Variants in PTPRM observed in about 807,000 individuals in gnomAD.
PTPRM encodes receptor-type tyrosine-protein phosphatase mu.
In PTPRM, 47 loss-of-function variants were observed where a neutral mutation model predicts 186.7. That is an observed-to-expected ratio of 0.25 (90% CI 0.20 to 0.32). The LOEUF (loss-of-function observed/expected upper bound fraction) is 0.32, where lower values mean the gene tolerates loss of function less well. PTPRM is among the 10% of genes least tolerant of loss of function. The pLI, the probability that PTPRM is intolerant of heterozygous loss-of-function variation, is 1.00. For missense variants in PTPRM, 1,494 were observed against 1,865.0 expected (o/e 0.80, Z 3.66); for synonymous variants, 668 against 674.9 (o/e 0.99, Z 0.16).
chr18:7,703,158 T>A (rs182576438), intron 1 of PTPRM, among the ~76,000 whole-genome samples: 4 of 152,222 alleles, frequency 2.6e-5, no homozygotes, highest in Admixed American at 2.6e-4. Flanking sequence ...CTTGGCTCTT[T>A]TTTGGTTCCA....
chr18:8,030,332 G>T (rs2085882226), intron 7 of PTPRM, among the ~76,000 whole-genome samples: 1 of 152,156 alleles, frequency 6.6e-6, no homozygotes, highest in Non-Finnish European at 1.5e-5. Context: ...TGTTGCTGTA[G>T]GCAGAAAGGA....
chr18:8,320,502 T>C (rs560629834), intron 22 of PTPRM, among the ~76,000 whole-genome samples: 2 of 152,346 alleles, frequency 1.3e-5, no homozygotes, highest in East Asian at 3.9e-4. Context: ...ACAAATCACA[T>C]GTGGCTCCTG....
At chr18:8,389,082 C>G (rs967341465) in intron 31 of PTPRM, among the ~76,000 whole-genome samples, 2 of 152,202 alleles carry the variant, frequency 1.3e-5, no homozygotes, top group Non-Finnish European at 2.9e-5. Context: ...AAGAGGCTCA[C>G]GCTGAGATGA....
chr18:7,998,326 A>C (rs2083663356), intron 7 of PTPRM, among the ~76,000 whole-genome samples: 1 of 152,078 alleles, frequency 6.6e-6, no homozygotes, highest in Non-Finnish European at 1.5e-5. Context: ...GAGCTAAAAA[A>C]GTTGATCTCA....
intron 14 of PTPRM, among the ~76,000 whole-genome samples, chr18:8,156,721 G>A (rs572282391): frequency 2.0e-5 from 3 of 152,280 alleles, no homozygotes; most frequent in South Asian, 2.1e-4. Flanking sequence ...TGACAACACC[G>A]TGCAGTCATC....
At chr18:7,885,840 A>G (rs2048756091) in intron 2 of PTPRM, among the ~76,000 whole-genome samples, 1 of 152,230 alleles carries the variant, frequency 6.6e-6, no homozygotes, top group Non-Finnish European at 1.5e-5. Context: ...CTGTGTAGCT[A>G]GTAAAATAAC....
At chr18:7,799,908 TAAATAATGGTATTTACTAAGA>T (rs2043865082) in intron 2 of PTPRM, among the ~76,000 whole-genome samples, 1 of 152,226 alleles carries the variant, frequency 6.6e-6, no homozygotes, top group African/African-American at 2.4e-5. Context: ...CATTAATCAT[TAAATAATGGTATTTACTAAGA>T]TCCCTTTATG....
intron 7 of PTPRM, among the ~76,000 whole-genome samples, chr18:7,984,592 T>TACAC (rs1555676848): frequency 8.1e-6 from 1 of 123,028 alleles, no homozygotes; most frequent in African/African-American, 3.3e-5. Flanking sequence ...TATATATATA[T>TACAC]ATATATATAT....
At chr18:7,685,196 A>C (rs2039572988) in intron 1 of PTPRM, among the ~76,000 whole-genome samples, 1 of 152,168 alleles carries the variant, frequency 6.6e-6, no homozygotes, top group Non-Finnish European at 1.5e-5. Context: ...GGGTCATCTC[A>C]GAATGCCTCC....
At chr18:8,009,885 T>C (rs758864172) in intron 7 of PTPRM, among the ~76,000 whole-genome samples, 1 of 152,136 alleles carries the variant, frequency 6.6e-6, no homozygotes, top group Non-Finnish European at 1.5e-5. Context: ...TAATAAACTA[T>C]TTCCCTCTTT....
At chr18:7,978,533 T>C (rs576538192) in intron 7 of PTPRM, among the ~76,000 whole-genome samples, 1 of 152,334 alleles carries the variant, frequency 6.6e-6, no homozygotes, top group East Asian at 1.9e-4. Flanking sequence ...GTCACGTTAA[T>C]TATTTTGTCT....
Position 7,604,413 on chromosome 18 carries a change from T to C in PTPRM, c.73+36522T>C, listed in dbSNP as rs76299380. ...AACTTGATTCCTGTGGAATATGTGC[T>C]ATAATCTAGGAAACAGAGATTCTCT... On this transcript the variant is annotated intron_variant, in intron 1 of 32. Coordinates refer to ENST00000580170, the MANE Select transcript of PTPRM (RefSeq NM_001105244.2). Among the ~76,000 whole-genome samples the C allele has an allele frequency of 9.1e-3, 1,379 of 152,362 alleles. 17 individuals are homozygous for C. The highest frequency in any genetic ancestry group is 0.014 in the Admixed American group (213 of 15,310).
At chr18:8,235,569 T>G (rs2094336898) in intron 14 of PTPRM, among the ~76,000 whole-genome samples, 1 of 151,614 alleles carries the variant, frequency 6.6e-6, no homozygotes, top group African/African-American at 2.4e-5. Flanking sequence ...TGTTTCTGTT[T>G]CATTGATTTC....
chr18:7,575,477 G>A (rs1375459592), intron 1 of PTPRM, among the ~76,000 whole-genome samples: 1 of 152,232 alleles, frequency 6.6e-6, no homozygotes, highest in Non-Finnish European at 1.5e-5. Context: ...TAGTTCCACT[G>A]CTACTTGTAG....
At chr18:8,092,272 C>A (rs1032024193) in intron 11 of PTPRM, among the ~76,000 whole-genome samples, 3 of 151,982 alleles carry the variant, frequency 2.0e-5, no homozygotes, top group Admixed American at 2.0e-4. Flanking sequence ...TTATTTAAAT[C>A]CTGAGATGGC....
intron 19 of PTPRM, among the ~76,000 whole-genome samples, chr18:8,261,798 G>T (rs2094634584): frequency 6.6e-6 from 1 of 152,126 alleles, no homozygotes; most frequent in African/African-American, 2.4e-5. Context: ...TTTCCTATTT[G>T]TGTGAAGCAC....
chr18:7,817,995 T>C (rs1368075750), intron 2 of PTPRM, among the ~76,000 whole-genome samples: 1 of 152,200 alleles, frequency 6.6e-6, no homozygotes, highest in Non-Finnish European at 1.5e-5. Context: ...GTGGTGTCTG[T>C]CCTTAACCTC....
intron 1 of PTPRM, among the ~76,000 whole-genome samples, chr18:7,580,851 T>A (rs1320662335): frequency 6.6e-6 from 1 of 152,236 alleles, no homozygotes; most frequent in Non-Finnish European, 1.5e-5. Context: ...TCCTCCTGTA[T>A]TGAAGTGTGC....
chr18:7,715,246 A>G (rs1249060174), intron 1 of PTPRM, among the ~76,000 whole-genome samples: 1 of 152,220 alleles, frequency 6.6e-6, no homozygotes, highest in Non-Finnish European at 1.5e-5. Flanking sequence ...AACAAAACCA[A>G]TGACAAAACC....
Sources: allele counts gnomAD v4.1 joint callset (sites outside exome capture counted in the v4.1 genomes callset), GRCh38; gene constraint gnomAD v4.1.1; transcripts MANE v1.5; gene names NCBI Gene and HGNC (gene_info 2026-07-23, HGNC 2026-07-21).